DUSP10: variants seen among roughly 807,000 people sequenced by gnomAD.
The protein encoded by DUSP10 is dual specificity protein phosphatase 10.
Under a neutral mutation model 30.8 loss-of-function variants are expected in DUSP10, and 14 were observed. The observed-to-expected ratio is 0.46, with a 90% confidence interval of 0.30 to 0.71. The LOEUF (loss-of-function observed/expected upper bound fraction) is 0.71, where lower values mean the gene tolerates loss of function less well. Among genes scored for constraint, DUSP10 ranks in the 30% least tolerant of loss-of-function variants. The pLI is 0.08. For missense variants in DUSP10, 550 were observed against 619.4 expected (o/e 0.89, Z 1.19); for synonymous variants, 254 against 250.4 (o/e 1.01, Z -0.14).
intron 2 of DUSP10, among the ~76,000 whole-genome samples, chr1:221,725,746 A>C (rs1044495925): frequency 2.0e-5 from 3 of 152,194 alleles, no homozygotes; most frequent in Non-Finnish European, 4.4e-5. Context: ...TCAGCACTGC[A>C]CTAAAACCTC....
At chr1:221,726,013 G>A (rs17490808) in intron 2 of DUSP10, among the ~76,000 whole-genome samples, 48,458 of 152,090 alleles carry the variant, frequency 0.32, 8,082 homozygotes, top group Non-Finnish European at 0.37. Flanking sequence ...AGAGGTCCAA[G>A]ATCTGCAATA....
Position 221,739,362 on chromosome 1 carries a change from C to G in DUSP10, c.383G>C (p.Ser128Thr). 3.1e-6 allele frequency: 5 copies of G among 1,614,044 alleles called. No individual in the cohort carries two copies. The highest frequency in any genetic ancestry group is 4.2e-6 in the Non-Finnish European group (5 of 1,179,968). ...VNNNENTGSLSPSSGVGSPVS... is the reference protein window; with the variant it reads ...VNNNENTGSLTPSSGVGSPVS... ...AGGGCTGCCCACCCCACTTGATGGA[C>G]TTAGAGAGCCTGTATTCTCATTATT... The change falls in exon 2 of 4, where the codon AGT becomes ACT. Residue 128 changes from serine to threonine, a missense_variant. Ser to Thr is a moderately conservative substitution (Grantham distance 58). Transcript: ENST00000366899.
At chr1:221,722,253 A>G (rs547223971) in intron 2 of DUSP10, among the ~76,000 whole-genome samples, 16 of 152,364 alleles carry the variant, frequency 1.1e-4, no homozygotes, top group Middle Eastern at 6.8e-3. Flanking sequence ...AAAGGTAGAA[A>G]AAGGGCCTTG....
At chr1:221,723,464 C>T (rs1661336184) in intron 2 of DUSP10, among the ~76,000 whole-genome samples, 1 of 152,230 alleles carries the variant, frequency 6.6e-6, no homozygotes, top group Non-Finnish European at 1.5e-5. Context: ...AGTGCAGACT[C>T]CCCAAGTTAA....
intron 2 of DUSP10, among the ~76,000 whole-genome samples, chr1:221,714,799 T>C (rs1040733652): frequency 8.5e-5 from 13 of 152,320 alleles, no homozygotes; most frequent in South Asian, 2.1e-4. Flanking sequence ...ATTTTCTTGG[T>C]GTGAGACAAC....
rs974731708 is a variant in DUSP10, at chr1:221,706,588, T to C, written c.812-122A>G. 8 of 623,110 alleles carry C rather than the reference T, an allele frequency of 1.3e-5. No individual in the cohort carries two copies. The Admixed American group carries it at 1.5e-4, about 12-fold the overall frequency. 38.6% of individuals were successfully genotyped at this position (623,110 alleles called of 1,614,324 possible). On this transcript the variant is annotated intron_variant, in intron 2 of 3. Coordinates refer to ENST00000366899, the MANE Select transcript of DUSP10 (RefSeq NM_007207.6). The surrounding 1 kb of genome is among the most constrained non-coding windows in gnomAD (Gnocchi z 4.6). ...CATATTTTAAATACATATATAAATA[T>C]GTATTTAAGCAAAAAAAATAAAAAT...
At position 221,739,644 on chromosome 1, in the gene DUSP10, G is replaced by A; in HGVS notation, c.101C>T (p.Ser34Phe). 6.2e-7 allele frequency: 1 copy of A among 1,614,204 alleles called. No individual in the cohort carries two copies. The highest frequency in any genetic ancestry group is 8.5e-7 in the Non-Finnish European group (1 of 1,180,028). ...GTGGCTGTTACTGCCTGGGTTGGCA[G>A]AGCCAAGGTAACTAGAGTCTAAACA... ...NLCLDSSYLG[S>F]ANPGSNSHPP... The change falls in exon 2 of 4, where the codon TCT (serine) becomes TTT (phenylalanine). Residue 34 changes from serine (S) to phenylalanine (F), a missense_variant. Coordinates refer to ENST00000366899, the MANE Select transcript of DUSP10 (RefSeq NM_007207.6).
intron 2 of DUSP10, among the ~76,000 whole-genome samples, chr1:221,724,981 T>C (rs527901652): frequency 1.3e-5 from 2 of 152,184 alleles, no homozygotes; most frequent in South Asian, 4.1e-4. Flanking sequence ...TAGCTTTGAA[T>C]GAGAAAAGAC....
At chr1:221,728,421 T>G (rs973436622) in intron 2 of DUSP10, among the ~76,000 whole-genome samples, 7 of 152,212 alleles carry the variant, frequency 4.6e-5, no homozygotes, top group Non-Finnish European at 7.3e-5. Flanking sequence ...GTCCTTCAAA[T>G]GTGTTCATTA....
rs945636633 is a variant in DUSP10, at chr1:221,714,643, A to C, written c.812-8177T>G. Reference sequence around the variant, plus strand: ...AGATACTGCCTCCTCAAGCCAGACTATAAAATCTGGCACATCCACCACCAG... The same window carrying C: ...AGATACTGCCTCCTCAAGCCAGACTCTAAAATCTGGCACATCCACCACCAG... On this transcript the variant is annotated intron_variant, in intron 2 of 3. Coordinates refer to ENST00000366899, the MANE Select transcript of DUSP10 (RefSeq NM_007207.6). Among the ~76,000 whole-genome samples the C allele has an allele frequency of 1.3e-5, 2 of 152,318 alleles. 1 individual carries two copies. The highest frequency in any genetic ancestry group is 6.8e-3 in the Middle Eastern group (2 of 294).
intron 1 of DUSP10, 133 bp from the exon 2 acceptor site, chr1:221,739,920 T>A (rs1661900420): frequency 1.1e-6 from 1 of 900,422 alleles, no homozygotes; most frequent in African/African-American, 1.7e-5. Context: ...CATACCATTA[T>A]CAAAACTTGA....
At chr1:221,709,645 C>A (rs1660876859) in intron 2 of DUSP10, among the ~76,000 whole-genome samples, 1 of 152,138 alleles carries the variant, frequency 6.6e-6, no homozygotes, top group Non-Finnish European at 1.5e-5. Context: ...TAAAAACTCT[C>A]TCTGTGGACG....
At position 221,706,390 on chromosome 1, in the gene DUSP10, C is replaced by A; in HGVS notation, c.888G>T (p.Val296=). Residue 296 remains valine, a synonymous_variant, in exon 3 of 4, where the codon GTG becomes GTT. Coordinates refer to ENST00000366899, the MANE Select transcript of DUSP10 (RefSeq NM_007207.6). This position sits in a 1 kb window ranked among gnomAD's most constrained non-coding sequence, Gnocchi z 4.6. ...TCGAGGCCGCGGATGCGCCGCCCCC[C>A]ACCTCCCGGCACTCTTGGAGCTGGA... The part of the protein sequence containing the change: ...NSLQLQECRE[V]GGGASAASSL... 1.3e-6 allele frequency: 2 copies of A among 1,574,822 alleles called. No individual in the cohort carries two copies. The highest frequency in any genetic ancestry group is 1.7e-6 in the Non-Finnish European group (2 of 1,158,398).
intron 2 of DUSP10, among the ~76,000 whole-genome samples, chr1:221,721,828 A>G (rs1418981659): frequency 6.6e-6 from 1 of 152,206 alleles, no homozygotes; most frequent in Non-Finnish European, 1.5e-5. Context: ...TCAGTTTAAT[A>G]TACATTTATT....
chr1:221,725,402 G>C (rs1028744463), intron 2 of DUSP10, among the ~76,000 whole-genome samples: 17 of 152,136 alleles, frequency 1.1e-4, no homozygotes, highest in Non-Finnish European at 1.5e-5. Context: ...CTTTGTAAGA[G>C]AGGGCTTCCT....
At position 221,712,842 on chromosome 1, in the gene DUSP10, C is replaced by T. The variant is rs1019488287; in HGVS notation, c.812-6376G>A. 5.0e-4 allele frequency among the ~76,000 whole-genome samples: 74 copies of T among 148,270 alleles called. 1 individual carries two copies. Among genetic ancestry groups the T allele is most frequent in the Non-Finnish European group, 1.5e-4 (10 of 67,558 alleles). On this transcript the variant is annotated intron_variant, in intron 2 of 3. Transcript: ENST00000366899. ...TTAGAATAGTGGGTCTGCCACATGC[C>T]AAGTGTGTGACTTTTTGAAAGTTAT...
At chr1:221,707,313 T>C (rs1660797369) in intron 2 of DUSP10, among the ~76,000 whole-genome samples, 1 of 152,206 alleles carries the variant, frequency 6.6e-6, no homozygotes, top group South Asian at 2.1e-4. Flanking sequence ...TTTGATATTC[T>C]CCACGTAGGG....
At chr1:221,713,778 C>G (rs1661014547) in intron 2 of DUSP10, among the ~76,000 whole-genome samples, 1 of 152,154 alleles carries the variant, frequency 6.6e-6, no homozygotes, top group Non-Finnish European at 1.5e-5. Flanking sequence ...TCCCTTTGTA[C>G]ACAGGAATTA....
chr1:221,707,122 C>A (rs1660793795), intron 2 of DUSP10, among the ~76,000 whole-genome samples: 1 of 152,130 alleles, frequency 6.6e-6, no homozygotes, highest in Admixed American at 6.5e-5. Context: ...CAATTGTGAG[C>A]CTGAGATAAA....
Sources: allele counts gnomAD v4.1 joint callset (sites outside exome capture counted in the v4.1 genomes callset), GRCh38; gene constraint gnomAD v4.1.1; non-coding constraint Gnocchi (gnomAD v3.1); transcripts MANE v1.5; gene names NCBI Gene and HGNC (gene_info 2026-07-23, HGNC 2026-07-21).